Variants in NKAIN3 observed in about 807,000 individuals in gnomAD.
NKAIN3 encodes the protein sodium/potassium transporting ATPase interacting 3.
In NKAIN3, 25 loss-of-function variants were observed where a neutral mutation model predicts 30.2. The observed-to-expected ratio is 0.83, with a 90% confidence interval of 0.60 to 1.16. The LOEUF is 1.16. Ranked by LOEUF, NKAIN3 falls within the 50% of genes most tolerant of loss-of-function variation. The probability of loss-of-function intolerance (pLI) is 0.00; values close to 1 mark genes in which losing one functional copy is unlikely to be tolerated. For synonymous variants in NKAIN3, 91 were observed against 89.6 expected (o/e 1.02, Z -0.09); for missense variants, 225 against 254.1 (o/e 0.89, Z 0.78).
intron 1 of NKAIN3, among the ~76,000 whole-genome samples, chr8:62,274,140 G>A (rs569947190): frequency 4.7e-4 from 71 of 152,206 alleles, no homozygotes; most frequent in African/African-American, 1.7e-3. Context: ...CTCTTTATCT[G>A]CATGAGAAAT....
intron 5 of NKAIN3, chr8:62,990,674 T>C (rs1824303160): frequency 6.6e-6 from 1 of 152,458 alleles, no homozygotes; most frequent in Non-Finnish European, 1.5e-5. Context: ...TTATTCAATC[T>C]TTCAACAAGT....
At chr8:62,340,100 T>C (rs1025689110) in intron 1 of NKAIN3, among the ~76,000 whole-genome samples, 4 of 152,104 alleles carry the variant, frequency 2.6e-5, no homozygotes, top group Non-Finnish European at 5.9e-5. Flanking sequence ...AGTTTTATGT[T>C]ACATAGAAGC....
intron 5 of NKAIN3, among the ~76,000 whole-genome samples, chr8:62,991,745 G>A (rs1007231720): frequency 1.2e-4 from 19 of 152,102 alleles, no homozygotes; most frequent in African/African-American, 4.6e-4. Flanking sequence ...TTCTGTCTTT[G>A]TCATTTTGGT....
chr8:62,825,967 T>C (rs1343696481), intron 4 of NKAIN3, among the ~76,000 whole-genome samples: 1 of 152,166 alleles, frequency 6.6e-6, no homozygotes, highest in Non-Finnish European at 1.5e-5. Context: ...ATATTTTACA[T>C]GCCATGTCAA....
At chr8:62,829,542 T>C (rs1294789437) in intron 4 of NKAIN3, among the ~76,000 whole-genome samples, 1 of 152,130 alleles carries the variant, frequency 6.6e-6, no homozygotes, top group Non-Finnish European at 1.5e-5. Context: ...GGATAAATTC[T>C]AAATGGGCAT....
At chr8:62,634,197 A>C (rs916248899) in intron 3 of NKAIN3, among the ~76,000 whole-genome samples, 2 of 152,040 alleles carry the variant, frequency 1.3e-5, no homozygotes, top group Admixed American at 6.6e-5. Context: ...GGAAACCAAC[A>C]ATCAGGCCTC....
chr8:62,581,362 A>T (rs935661482), intron 2 of NKAIN3, among the ~76,000 whole-genome samples: 33 of 152,102 alleles, frequency 2.2e-4, no homozygotes, highest in Non-Finnish European at 3.1e-4. Flanking sequence ...TGATATTGGT[A>T]TTCTGCTGCG....
intron 1 of NKAIN3, among the ~76,000 whole-genome samples, chr8:62,324,704 A>G (rs1249013509): frequency 3.3e-5 from 5 of 152,254 alleles, no homozygotes; most frequent in African/African-American, 9.6e-5. Context: ...TTAACAGAAC[A>G]AGGTACATTT....
chr8:62,647,658 T>A (rs1177359882), intron 3 of NKAIN3, among the ~76,000 whole-genome samples: 1 of 152,072 alleles, frequency 6.6e-6, no homozygotes, highest in African/African-American at 2.4e-5. Context: ...AATAGCTTAC[T>A]CAGACTCAGA....
intron 5 of NKAIN3, among the ~76,000 whole-genome samples, chr8:62,921,664 C>G (rs532971080): frequency 3.4e-4 from 51 of 152,190 alleles, no homozygotes; most frequent in African/African-American, 1.2e-3. Flanking sequence ...AATGAAAAAG[C>G]TTAGTTATAT....
At chr8:62,331,162 C>T (rs75511435) in intron 1 of NKAIN3, among the ~76,000 whole-genome samples, 3 of 148,202 alleles carry the variant, frequency 2.0e-5, no homozygotes, top group South Asian at 4.4e-4. Flanking sequence ...CTTCCTCCCC[C>T]CCAAAGCCCT....
chr8:62,968,715 G>A lies in NKAIN3; in HGVS notation c.*3308G>A, dbSNP rs1168614279. Among the ~76,000 whole-genome samples the A allele has an allele frequency of 6.6e-6, 1 of 152,264 alleles. No homozygotes were observed. The highest frequency in any genetic ancestry group is 2.1e-4 in the South Asian group (1 of 4,820). On this transcript the variant is annotated 3_prime_UTR_variant, in exon 7 of 7. Transcript: ENST00000623646. ...CTTAGCACTGAGTCTTGTAAACCTT[G>A]GCCAGCCCTTCCTCAGGCCGTGCCT...
At position 62,968,944 on chromosome 8, in the gene NKAIN3, A is replaced by G. The variant is rs866283151; in HGVS notation, c.*3537A>G. 2.0e-5 allele frequency among the ~76,000 whole-genome samples: 3 copies of G among 152,220 alleles called. No homozygotes were observed. The highest frequency in any genetic ancestry group is 2.9e-5 in the Non-Finnish European group (2 of 68,036). Reference sequence around the variant, plus strand: ...GACACAAAATGTCTTGGGTTGTGGAATAGCACACATCAGAGAAATCTCAAA... The same window carrying G: ...GACACAAAATGTCTTGGGTTGTGGAGTAGCACACATCAGAGAAATCTCAAA... On this transcript the variant is annotated 3_prime_UTR_variant, in exon 7 of 7. Transcript: ENST00000623646.
chr8:62,361,862 A>C (rs903920033), intron 1 of NKAIN3, among the ~76,000 whole-genome samples: 1 of 152,126 alleles, frequency 6.6e-6, no homozygotes, highest in Non-Finnish European at 1.5e-5. Context: ...TGTATATATG[A>C]TTTCCTCTCC....
intron 3 of NKAIN3, among the ~76,000 whole-genome samples, chr8:62,594,552 CA>C (rs1308540389): frequency 3.3e-5 from 5 of 152,202 alleles, no homozygotes; most frequent in Admixed American, 2.0e-4. Context: ...TCCTTATCTA[CA>C]AAGGCCCAAC....
chr8:62,249,010 G>C lies in NKAIN3; in HGVS notation c.-64G>C. On this transcript the variant is annotated 5_prime_UTR_variant, in exon 1 of 7. Transcript: ENST00000623646. ...CGGGCGGGGACTACTCCGGAGTCAG[G>C]AGGCAGCAGCGGCGGAGGACGAGGA... 6.9e-7 allele frequency: 1 copy of C among 1,440,302 alleles called. No homozygotes were observed. Among genetic ancestry groups the C allele is most frequent in the South Asian group, 1.2e-5 (1 of 81,232 alleles). The allele number at this position is 1,440,302 out of a possible 1,614,324, so 89.2% of individuals were successfully genotyped here.
At chr8:62,515,264 AT>A (rs1322719853) in intron 1 of NKAIN3, among the ~76,000 whole-genome samples, 1 of 152,112 alleles carries the variant, frequency 6.6e-6, no homozygotes, top group African/African-American at 2.4e-5. Context: ...TTTAAAATTT[AT>A]TTTTTAGTTA....
intron 5 of NKAIN3, chr8:62,990,396 TA>T (rs1824298717): frequency 1.6e-6 from 2 of 1,216,050 alleles, no homozygotes; most frequent in Non-Finnish European, 2.1e-6. Flanking sequence ...ATGAAAAGCA[TA>T]GGTTTTTTTT....
At chr8:62,253,055 T>C (rs567041063) in intron 1 of NKAIN3, among the ~76,000 whole-genome samples, 2 of 152,194 alleles carry the variant, frequency 1.3e-5, no homozygotes, top group Middle Eastern at 3.2e-3. Context: ...GCAAGTTCAA[T>C]GTAACTTTGG....
Sources: gnomAD v4.1 joint callset for allele counts (sites outside exome capture counted in the v4.1 genomes callset) on GRCh38, gnomAD v4.1.1 for gene constraint, MANE v1.5 for transcripts, NCBI Gene and HGNC (gene_info 2026-07-23, HGNC 2026-07-21) for gene names.